ADK: variants seen among roughly 807,000 people sequenced by gnomAD.
ADK encodes the protein adenosine kinase, also known as N6,N6-dimethyladenosine kinase.
In ADK, 24 loss-of-function variants were observed where a neutral mutation model predicts 44.7. That is an observed-to-expected ratio of 0.54 (90% CI 0.39 to 0.76). ADK has a LOEUF of 0.76. Ranked by LOEUF, ADK falls within the 30% of genes least tolerant of loss-of-function variation. ADK has a pLI of 0.00. For missense variants in ADK, 321 were observed against 425.1 expected (o/e 0.76, Z 2.15); for synonymous variants, 128 against 142.6 (o/e 0.90, Z 0.73).
At chr10:74,408,401 T>C (rs1844034291) in intron 6 of ADK, among the ~76,000 whole-genome samples, 1 of 152,228 alleles carries the variant, frequency 6.6e-6, no homozygotes, top group South Asian at 2.1e-4. Context: ...CCCAGTTAAC[T>C]TTCTTGTCCC....
chr10:74,318,429 G>A (rs1299386686), intron 4 of ADK, among the ~76,000 whole-genome samples: 2 of 152,106 alleles, frequency 1.3e-5, no homozygotes, highest in Non-Finnish European at 2.9e-5. Context: ...CCCAAAGTGC[G>A]AGGATTACAG....
intron 3 of ADK, among the ~76,000 whole-genome samples, chr10:74,264,727 G>T (rs1217502180): frequency 6.6e-6 from 1 of 152,140 alleles, no homozygotes; most frequent in Non-Finnish European, 1.5e-5. Context: ...TCCCATATGT[G>T]CTTTGCAGAG....
intron 9 of ADK, among the ~76,000 whole-genome samples, chr10:74,658,222 A>C (rs1854564709): frequency 6.6e-6 from 1 of 152,216 alleles, no homozygotes; most frequent in Non-Finnish European, 1.5e-5. Context: ...CCTATAATAT[A>C]CCAGGCATAG....
At chr10:74,596,595 G>A (rs1433374685) in intron 8 of ADK, among the ~76,000 whole-genome samples, 4 of 151,750 alleles carry the variant, frequency 2.6e-5, no homozygotes, top group Non-Finnish European at 2.9e-5. Flanking sequence ...GCCCACGCTG[G>A]AGTGCAGTGG....
chr10:74,517,482 A>G (rs1848634288), intron 6 of ADK, among the ~76,000 whole-genome samples: 1 of 152,086 alleles, frequency 6.6e-6, no homozygotes, highest in Non-Finnish European at 1.5e-5. Flanking sequence ...TGAGCTCAGT[A>G]GTTGGAAACC....
chr10:74,211,914 A>G (rs1449297858), intron 2 of ADK, among the ~76,000 whole-genome samples: 1 of 152,188 alleles, frequency 6.6e-6, no homozygotes, highest in Non-Finnish European at 1.5e-5. Flanking sequence ...ATTTTTCTAC[A>G]ACATATTCTA....
At chr10:74,615,752 A>T (rs1211677588) in intron 9 of ADK, among the ~76,000 whole-genome samples, 1 of 152,152 alleles carries the variant, frequency 6.6e-6, no homozygotes, top group Non-Finnish European at 1.5e-5. Context: ...TCTGTCGCCC[A>T]GGCTGGAGTG....
intron 6 of ADK, among the ~76,000 whole-genome samples, chr10:74,482,516 T>G (rs1847111573): frequency 6.6e-6 from 1 of 152,138 alleles, no homozygotes; most frequent in Non-Finnish European, 1.5e-5. Flanking sequence ...TTTCCTACAG[T>G]GCAAAATAGA....
chr10:74,267,164 A>C (rs1349255436), intron 3 of ADK, among the ~76,000 whole-genome samples: 1 of 152,210 alleles, frequency 6.6e-6, no homozygotes, highest in Non-Finnish European at 1.5e-5. Flanking sequence ...TTGACCCTCA[A>C]ACAGCACAGG....
rs534661821 is a variant in ADK at position 74,185,143 on chromosome 10, G to A, written c.66-15621G>A. 2.0e-4 allele frequency among the ~76,000 whole-genome samples: 31 copies of A among 152,284 alleles called. 1 individual carries two copies. The South Asian group carries it at 6.0e-3, about 30-fold the overall frequency. On this transcript the variant is annotated intron_variant, in intron 1 of 10. Coordinates refer to ENST00000539909, the MANE Select transcript of ADK (RefSeq NM_006721.4). ...TTTTAAGTTGAAAATTGTTATATAA[G>A]TGTTAGTCATGTCACACATGTGCCT...
rs554609709 is a variant in ADK, at chr10:74,416,084, T to C, written c.555+17505T>C. On this transcript the variant is annotated intron_variant, in intron 6 of 10. Coordinates refer to ENST00000539909, the MANE Select transcript of ADK (RefSeq NM_006721.4). ...CACACACATATATGTAATGCTACCG[T>C]GTTTGAGGGTCATGAGGGTCAGTTT... Among the ~76,000 whole-genome samples the C allele has an allele frequency of 9.9e-5, 15 of 151,002 alleles. No homozygotes were observed. In the East Asian group the frequency reaches 1.6e-3, roughly 16 times the overall value.
At chr10:74,699,198 A>G (rs1453130035) in intron 10 of ADK, among the ~76,000 whole-genome samples, 2 of 142,044 alleles carry the variant, frequency 1.4e-5, no homozygotes, top group Non-Finnish European at 3.0e-5. Context: ...TATCTGCTAT[A>G]GTGTTTACCA....
chr10:74,273,866 G>A (rs778553280), intron 3 of ADK, among the ~76,000 whole-genome samples: 6 of 152,124 alleles, frequency 3.9e-5, no homozygotes, highest in African/African-American at 1.2e-4. Flanking sequence ...CAGGCGTATC[G>A]GCTTCATGTT....
intron 3 of ADK, among the ~76,000 whole-genome samples, chr10:74,265,880 A>T (rs1219351109): frequency 6.6e-6 from 1 of 152,082 alleles, no homozygotes; most frequent in Non-Finnish European, 1.5e-5. Context: ...GATTTAGGGG[A>T]TCTAGGGCAT....
At chr10:74,640,421 T>C (rs923592002) in intron 9 of ADK, among the ~76,000 whole-genome samples, 1 of 152,170 alleles carries the variant, frequency 6.6e-6, no homozygotes, top group Non-Finnish European at 1.5e-5. Flanking sequence ...GTGGAATGAG[T>C]AAGCTGGAAA....
intron 4 of ADK, among the ~76,000 whole-genome samples, chr10:74,383,477 G>A (rs184802858): frequency 3.5e-4 from 53 of 151,868 alleles, no homozygotes; most frequent in Non-Finnish European, 6.0e-4. Flanking sequence ...GCTATCCCAC[G>A]TAAGCCTCAT....
chr10:74,295,072 G>A, intron 3 of ADK, among the ~76,000 whole-genome samples: 1 of 151,920 alleles, frequency 6.6e-6, no homozygotes, highest in Non-Finnish European at 1.5e-5. Flanking sequence ...GGCCATGCTG[G>A]TCTCGAACTC....
chr10:74,353,523 A>G (rs911410132), intron 4 of ADK, among the ~76,000 whole-genome samples: 2 of 151,262 alleles, frequency 1.3e-5, no homozygotes, highest in Admixed American at 6.6e-5. Context: ...ATGTATACCA[A>G]CGTAACAAAC....
intron 9 of ADK, among the ~76,000 whole-genome samples, chr10:74,631,240 G>C (rs1222946771): frequency 6.6e-6 from 1 of 151,204 alleles, no homozygotes; most frequent in African/African-American, 2.4e-5. Flanking sequence ...GTGCGTGTGT[G>C]TGTGTGTGTA....
Sources: allele counts gnomAD v4.1 joint callset (sites outside exome capture counted in the v4.1 genomes callset), GRCh38; gene constraint gnomAD v4.1.1; transcripts MANE v1.5; gene names NCBI Gene and HGNC (gene_info 2026-07-23, HGNC 2026-07-21).